Variants in PDF observed in about 807,000 individuals in gnomAD.
The protein encoded by PDF is peptide deformylase-like protein.
In PDF, 31 loss-of-function variants were observed where a neutral mutation model predicts 20.3. The observed-to-expected ratio is 1.52, with a 90% CI of 1.15 to 2.06. The LOEUF is 2.06. Ranked by LOEUF, PDF falls within the 30% of genes most tolerant of loss-of-function variation. The pLI is 0.00. For synonymous variants in PDF, 254 were observed against 172.0 expected (o/e 1.48, Z -3.73); for missense variants, 447 against 362.5 (o/e 1.23, Z -1.89).
intron 1 of PDF, 148 bp downstream of exon 1, chr16:69,329,849 T>G: frequency 3.9e-6 from 4 of 1,013,424 alleles, no homozygotes. Context: ...GGAGCTTCTA[T>G]CCGTCCTGAG....
chr16:69,327,710 A>T lies in PDF; in HGVS notation c.*1312T>A, dbSNP rs915605038. ...ACTCAGCATAAAAATGAGGTGAAAC[A>T]GTTTAACTAAAACTGGAGTTTGGCT... On this transcript the variant is annotated 3_prime_UTR_variant, in exon 2 of 2. Coordinates refer to ENST00000288022, the MANE Select transcript of PDF (RefSeq NM_022341.2). 2.0e-5 allele frequency: 3 copies of T among 152,262 alleles called. No homozygotes were observed. 9.4% of individuals were successfully genotyped at this position (152,262 alleles called of 1,614,324 possible). A position where few individuals can be genotyped will look rare whatever the true frequency, so the allele number is the denominator to read the frequency against.
chr16:69,328,093 G>C lies in PDF; in HGVS notation c.*929C>G, dbSNP rs1222853512. The C allele has an allele frequency of 2.0e-5, 3 of 152,096 alleles. No homozygotes were observed. The highest frequency in any genetic ancestry group is 4.4e-5 in the Non-Finnish European group (3 of 68,046). 9.4% of individuals were successfully genotyped at this position (152,096 alleles called of 1,614,324 possible). ...TTCACGAGTAGCTGGGATTACAGGTGCTCGCCACCACGCCCGGCTAATTTT... is the reference window on the plus strand; with the variant it reads ...TTCACGAGTAGCTGGGATTACAGGTCCTCGCCACCACGCCCGGCTAATTTT... On this transcript the variant is annotated 3_prime_UTR_variant, in exon 2 of 2. Transcript: ENST00000288022.
chr16:69,329,117 G>A lies in PDF; in HGVS notation c.637C>T (p.Gln213Ter). Residue 213 changes from glutamine (Q) to a stop codon, truncating the protein, a stop_gained, in exon 2 of 2, where the codon CAG (glutamine) becomes TAG (stop). Transcript: ENST00000288022. LOFTEE classifies it high-confidence loss of function. ...CCCTGCAGGTGGTCCATCTCGTGCT[G>A]GATGATGCGGGCTGCCCACCCGCTC... is the stretch of plus-strand genomic sequence containing the variant. ...QASGWAARIIQHEMDHLQGCL... is the reference protein window; with the variant it reads ...QASGWAARII The A allele has an allele frequency of 3.7e-6, 6 of 1,610,370 alleles. No homozygotes were observed. The highest frequency in any genetic ancestry group is 2.7e-5 in the African/African-American group (2 of 74,988).
chr16:69,329,906 G>C, intron 1 of PDF, 91 bp downstream of exon 1: 1 of 1,388,460 alleles, frequency 7.2e-7, no homozygotes, highest in Non-Finnish European at 9.4e-7. Flanking sequence ...GAGGTCCGGC[G>C]TATGAACCGC....
Position 69,329,995 on chromosome 16 carries a change from A to G in PDF, c.574+2T>C, listed in dbSNP as rs2011648699. ...AGCAGCCCCGGTCCCCGCCGCCCGCACCTGAGATCTGCACCGCCTGGAAGC... is the reference window on the plus strand; with the variant it reads ...AGCAGCCCCGGTCCCCGCCGCCCGCGCCTGAGATCTGCACCGCCTGGAAGC... On this transcript the variant is annotated splice_donor_variant, in intron 1 of 1. Coordinates refer to ENST00000288022, the MANE Select transcript of PDF (RefSeq NM_022341.2). LOFTEE classifies it high-confidence loss of function. The G allele has an allele frequency of 6.6e-7, 1 of 1,521,224 alleles. No individual in the cohort carries two copies. Among genetic ancestry groups the G allele is most frequent in the Admixed American group, 2.1e-5 (1 of 48,266 alleles). The allele number at this position is 1,521,224 out of a possible 1,614,324, so 94.2% of individuals were successfully genotyped here. A position where few individuals can be genotyped will look rare whatever the true frequency, so the allele number is the denominator to read the frequency against.
In PDF at chr16:69,329,203, G is replaced by C. The variant is rs141051526; in HGVS notation, c.575-24C>G. On this transcript the variant is annotated intron_variant, in intron 1 of 1. Transcript: ENST00000288022. The stretch of plus-strand genomic sequence containing the variant: ...CCCTGCAAAGGAAGTTACAGCCCTG[G>C]TGAGTGGGAACAGCTGAACTGCATC... The C allele has an allele frequency of 1.5e-3, 2,270 of 1,564,664 alleles. 3 individuals are homozygous for C. Among genetic ancestry groups the C allele is most frequent in the Admixed American group, 2.9e-3 (150 of 52,556 alleles).
Position 69,330,502 on chromosome 16 carries a change from T to TGCCGCCCCGCCCCACGGCACGGCC in PDF, c.45_68dup (p.Pro18_Val25dup), listed in dbSNP as rs2011720517. 2.0e-5 allele frequency: 29 copies of TGCCGCCCCGCCCCACGGCACGGCC among 1,472,690 alleles called. 1 individual carries two copies. The South Asian group carries it at 3.4e-4, about 17-fold the overall frequency. 91.2% of individuals were successfully genotyped at this position (1,472,690 alleles called of 1,614,324 possible). A position where few individuals can be genotyped will look rare whatever the true frequency, so the allele number is the denominator to read the frequency against. ...AGCTGCAAGCCCGGACACCGACGGC[T>TGCCGCCCCGCCCCACGGCACGGCC]GCCGCCCCGCCCCACGGCACGGCCG... On this transcript the variant is annotated inframe_insertion, in exon 1 of 2. Coordinates refer to ENST00000288022, the MANE Select transcript of PDF (RefSeq NM_022341.2).
At position 69,330,181 on chromosome 16, in the gene PDF, CG is replaced by C. The variant is rs764456639; in HGVS notation, c.389del (p.Ala130GlyfsTer25). ...GGCGGGGCGGGCACTCCCGACACAG[CG>C]CCTCGGGGAGCTCCAGCGCCAGCAC... Reference protein sequence around the residue: ...RQVLALELPEALCRECPPRQR... With the variant: ...RQVLALELPEXLCRECPPRQR... On this transcript the variant is annotated frameshift_variant, in exon 1 of 2. Transcript: ENST00000288022. LOFTEE classifies it high-confidence loss of function. The C allele has an allele frequency of 8.0e-5, 119 of 1,494,078 alleles. 2 individuals carry two copies. In the South Asian group the frequency reaches 1.6e-3, roughly 19 times the overall value. The allele number at this position is 1,494,078 out of a possible 1,614,324, so 92.6% of individuals were successfully genotyped here. A position where few individuals can be genotyped will look rare whatever the true frequency, so the allele number is the denominator to read the frequency against.
chr16:69,328,818 A>C lies in PDF; in HGVS notation c.*204T>G. 1 of 644,286 alleles carries C rather than the reference A, an allele frequency of 1.6e-6. No homozygotes were observed. Among genetic ancestry groups the C allele is most frequent in the Non-Finnish European group, 2.5e-6 (1 of 394,648 alleles). The allele number at this position is 644,286 out of a possible 1,614,324, so 39.9% of individuals were successfully genotyped here. On this transcript the variant is annotated 3_prime_UTR_variant, in exon 2 of 2. Transcript: ENST00000288022. ...TCCTTTGGGGGTGATTTTTCTCCTC[A>C]AGTTGTAGCCAACATTTTGTCCGTA... is the stretch of plus-strand genomic sequence containing the variant.
Position 69,330,029 on chromosome 16 carries a change from C to T in PDF, c.542G>A (p.Cys181Tyr), listed in dbSNP as rs2011651904. The change falls in exon 1 of 2, where the codon TGC becomes TAC. Residue 181 changes from cysteine to tyrosine, a missense_variant. Transcript: ENST00000288022. ...CTGCACCGCCTGGAAGCGGGGCACG[C>T]AGGCCAGGAAGCCGGCGACGCTCTC... ...GCESVAGFLA[C>Y]VPRFQAVQIS... 1.9e-6 allele frequency: 3 copies of T among 1,544,064 alleles called. No homozygotes were observed. The highest frequency in any genetic ancestry group is 2.8e-5 in the African/African-American group (2 of 71,602).
chr16:69,330,295 C>A lies in PDF; in HGVS notation c.276G>T (p.Leu92=). 7.0e-7 allele frequency: 1 copy of A among 1,428,318 alleles called. No individual in the cohort carries two copies. The highest frequency in any genetic ancestry group is 9.1e-7 in the Non-Finnish European group (1 of 1,100,426). 88.5% of individuals were successfully genotyped at this position (1,428,318 alleles called of 1,614,324 possible). ...VERAQLGGPE[L]QRLTQRLVQV... is the part of the protein sequence containing the mutation. ...GGACCAGCCGTTGCGTCAGCCGCTG[C>A]AGCTCGGGCCCGCCTAGCTGCGCCC... is the stretch of plus-strand genomic sequence containing the variant. The change falls in exon 1 of 2, where the codon CTG becomes CTT. Residue 92 remains leucine, a synonymous_variant. Coordinates refer to ENST00000288022, the MANE Select transcript of PDF (RefSeq NM_022341.2).
rs777226176 is a variant in PDF at position 69,330,159 on chromosome 16, G to T, written c.412C>A (p.Arg138Ser). The T allele has an allele frequency of 3.9e-6, 6 of 1,539,492 alleles. No individual in the cohort carries two copies. In the African/African-American group the frequency reaches 8.6e-5, roughly 22 times the overall value. ...TCCATTTGGCGGAGCGCGCGCTGGC[G>T]GGGCGGGCACTCCCGACACAGCGCC... Reference protein sequence around the residue: ...PEALCRECPPRQRALRQMEPF... With the variant: ...PEALCRECPPSQRALRQMEPF... The change falls in exon 1 of 2, where the codon CGC becomes AGC. Residue 138 changes from arginine to serine, a missense_variant. By Grantham distance (110) the Arg-to-Ser change is moderately radical (BLOSUM62 -1). Coordinates refer to ENST00000288022, the MANE Select transcript of PDF (RefSeq NM_022341.2).
intron 1 of PDF, 83 bp from the exon 2 acceptor site, chr16:69,329,262 G>A (rs978928937): frequency 2.9e-6 from 4 of 1,394,310 alleles, no homozygotes; most frequent in Non-Finnish European, 3.7e-6. Context: ...CCCCGGTCCT[G>A]GCTGTTCCCA....
Position 69,329,020 on chromosome 16 carries a change from C to G in PDF, c.*2G>C, listed in dbSNP as rs1965690800. On this transcript the variant is annotated 3_prime_UTR_variant, in exon 2 of 2. Coordinates refer to ENST00000288022, the MANE Select transcript of PDF (RefSeq NM_022341.2). The stretch of plus-strand genomic sequence containing the variant: ...GGAATCCTCAGCCCCAGTAGCAAAG[C>G]TTTAGTCATTCACCTTCATCCAATA... 1 of 1,606,036 alleles carries G rather than the reference C, an allele frequency of 6.2e-7. No individual in the cohort carries two copies. The highest frequency in any genetic ancestry group is 2.3e-5 in the East Asian group (1 of 44,320).
intron 1 of PDF, among the ~76,000 whole-genome samples, chr16:69,329,552 C>T (rs1965717385): frequency 6.6e-6 from 1 of 152,218 alleles, no homozygotes; most frequent in Admixed American, 6.5e-5. Context: ...CTTGAACCGA[C>T]GGGCTTGCTG....
Position 69,330,212 on chromosome 16 carries a change from C to CGCGGCACCCCCAGCT in PDF, c.344_358dup (p.Gln115_Pro119dup). 6.9e-7 allele frequency: 1 copy of CGCGGCACCCCCAGCT among 1,452,986 alleles called. No homozygotes were observed. Among genetic ancestry groups the CGCGGCACCCCCAGCT allele is most frequent in the Non-Finnish European group, 9.0e-7 (1 of 1,110,744 alleles). 90.0% of individuals were successfully genotyped at this position (1,452,986 alleles called of 1,614,324 possible). A position where few individuals can be genotyped will look rare whatever the true frequency, so the allele number is the denominator to read the frequency against. On this transcript the variant is annotated inframe_insertion, in exon 1 of 2. Coordinates refer to ENST00000288022, the MANE Select transcript of PDF (RefSeq NM_022341.2). ...GGGGAGCTCCAGCGCCAGCACCTGC[C>CGCGGCACCCCCAGCT]GCGGCACCCCCAGCTGCGGCGCGCT...
rs1965697291 is a variant in PDF, at chr16:69,329,139, G to A, written c.615C>T (p.Ser205=). Residue 205 remains serine, a synonymous_variant, in exon 2 of 2, where the codon AGC becomes AGT. Coordinates refer to ENST00000288022, the MANE Select transcript of PDF (RefSeq NM_022341.2). ...GCTGGATGATGCGGGCTGCCCACCC[G>A]CTCGCCTGCCACACCACCTGTTCTC... ...PNGEQVVWQA[S]GWAARIIQHE... The A allele has an allele frequency of 1.9e-6, 3 of 1,607,372 alleles. No individual in the cohort carries two copies. Among genetic ancestry groups the A allele is most frequent in the Non-Finnish European group, 1.7e-6 (2 of 1,178,630 alleles).
chr16:69,330,554 C>T lies in PDF; in HGVS notation c.17G>A (p.Gly6Asp), dbSNP rs779162844. MARLW[G>D]ALSLWPLWAA... ...CCACAGTGGCCAAAGACTCAGCGCG[C>T]CCCACAGCCGGGCCATGGCGGCCCC... Residue 6 changes from glycine (G) to aspartate (D), a missense_variant, in exon 1 of 2, where the codon GGC becomes GAC. Physicochemically the swap from Gly to Asp is moderately conservative, Grantham distance 94. Transcript: ENST00000288022. 2 of 1,469,956 alleles carry T rather than the reference C, an allele frequency of 1.4e-6. No homozygotes were observed. The highest frequency in any genetic ancestry group is 1.8e-6 in the Non-Finnish European group (2 of 1,120,298). 91.1% of individuals were successfully genotyped at this position (1,469,956 alleles called of 1,614,324 possible).
At position 69,329,081 on chromosome 16, in the gene PDF, T is replaced by C; in HGVS notation, c.673A>G (p.Ile225Val). 2.5e-6 allele frequency: 4 copies of C among 1,612,204 alleles called. No homozygotes were observed. The South Asian group carries it at 3.3e-5, about 13-fold the overall frequency. Residue 225 changes from isoleucine to valine, a missense_variant, in exon 2 of 2, where the codon ATT becomes GTT. Physicochemically the swap from Ile to Val is conservative, Grantham distance 29. Transcript: ENST00000288022. ...EMDHLQGCLF[I>V]DKMDSRTFTN... ...AACGTCCTGCTGTCCATTTTGTCAA[T>C]AAACAGGCAGCCCTGCAGGTGGTCC...
Sources: allele counts gnomAD v4.1 joint callset (sites outside exome capture counted in the v4.1 genomes callset), GRCh38; gene constraint gnomAD v4.1.1; transcripts MANE v1.5; gene names NCBI Gene and HGNC (gene_info 2026-07-23, HGNC 2026-07-21).